Variants in RABGAP1L observed in about 807,000 individuals in gnomAD.
The protein encoded by RABGAP1L is rab GTPase-activating protein 1-like.
In RABGAP1L, 63 loss-of-function variants were observed where a neutral mutation model predicts 137.7. The ratio of observed to expected loss-of-function variants is 0.46; its 90% CI spans 0.37 to 0.56. RABGAP1L has a LOEUF of 0.56. Among genes scored for constraint, RABGAP1L ranks in the 20% least tolerant of loss-of-function variants. The probability of loss-of-function intolerance (pLI) is 0.00; values close to 1 mark genes in which losing one functional copy is unlikely to be tolerated. For synonymous variants in RABGAP1L, 431 were observed against 433.7 expected (o/e 0.99, Z 0.08); for missense variants, 1,095 against 1,244.0 (o/e 0.88, Z 1.80).
intron 12 of RABGAP1L, among the ~76,000 whole-genome samples, chr1:174,383,851 C>G (rs1044135846): frequency 1.3e-5 from 2 of 152,260 alleles, no homozygotes; most frequent in African/African-American, 4.8e-5. Context: ...GGTGGAAATA[C>G]AAAATGGTGT....
chr1:174,174,509 C>G (rs1665678500), intron 1 of RABGAP1L, among the ~76,000 whole-genome samples: 1 of 152,168 alleles, frequency 6.6e-6, no homozygotes, highest in African/African-American at 2.4e-5. Flanking sequence ...GATAGGCCGT[C>G]TGCAAACTAG....
chr1:174,514,469 C>T (rs1662634978), intron 13 of RABGAP1L, among the ~76,000 whole-genome samples: 1 of 152,040 alleles, frequency 6.6e-6, no homozygotes, highest in African/African-American at 2.4e-5. Flanking sequence ...GGAGGGTAAT[C>T]TGCTGTAAGT....
At chr1:174,765,393 C>G (rs1256346452) in intron 18 of RABGAP1L, among the ~76,000 whole-genome samples, 1 of 152,098 alleles carries the variant, frequency 6.6e-6, no homozygotes, top group East Asian at 1.9e-4. Context: ...ATCCTTTGCC[C>G]ACTTTCTAAT....
At chr1:174,932,529 A>C (rs1007826959) in intron 19 of RABGAP1L, among the ~76,000 whole-genome samples, 2 of 151,964 alleles carry the variant, frequency 1.3e-5, no homozygotes, top group African/African-American at 4.8e-5. Flanking sequence ...TATGATTTTA[A>C]TTTGTCTCAT....
At chr1:174,912,369 C>T (rs1255712953) in intron 19 of RABGAP1L, among the ~76,000 whole-genome samples, 3 of 152,126 alleles carry the variant, frequency 2.0e-5, no homozygotes, top group African/African-American at 7.2e-5. Context: ...TCTTGAACTC[C>T]TGGCCTCATG....
chr1:174,317,423 G>A (rs1679484533), intron 11 of RABGAP1L, among the ~76,000 whole-genome samples: 1 of 152,068 alleles, frequency 6.6e-6, no homozygotes, highest in South Asian at 2.1e-4. Context: ...GGCTCAGGTT[G>A]TATCTAGAAA....
chr1:174,297,168 A>G (rs1156830745), intron 10 of RABGAP1L, among the ~76,000 whole-genome samples: 1 of 152,178 alleles, frequency 6.6e-6, no homozygotes, highest in Non-Finnish European at 1.5e-5. Context: ...ACTCCCTATA[A>G]CAAAAGACAG....
intron 17 of RABGAP1L, among the ~76,000 whole-genome samples, chr1:174,748,572 A>G (rs989684928): frequency 1.3e-5 from 2 of 152,194 alleles, no homozygotes; most frequent in African/African-American, 4.8e-5. Flanking sequence ...TTAGGGAAAC[A>G]TAAGACATTA....
chr1:174,202,028 A>G (rs932439911), intron 1 of RABGAP1L, among the ~76,000 whole-genome samples: 1 of 151,660 alleles, frequency 6.6e-6, no homozygotes, highest in Non-Finnish European at 1.5e-5. Flanking sequence ...TATGTGCCAC[A>G]TTTTCTTAAC....
intron 19 of RABGAP1L, among the ~76,000 whole-genome samples, chr1:174,848,514 G>T (rs1329402432): frequency 8.7e-5 from 13 of 149,510 alleles, no homozygotes; most frequent in South Asian, 6.3e-4. Context: ...GCCCCTGCTG[G>T]GGGGTGCCTC....
In RABGAP1L at chr1:174,305,043, C is replaced by T; in HGVS notation, c.1381C>T (p.Gln461Ter). 2 of 1,563,204 alleles carry T rather than the reference C, an allele frequency of 1.3e-6. No individual in the cohort carries two copies. The highest frequency in any genetic ancestry group is 1.7e-6 in the Non-Finnish European group (2 of 1,159,418). Reference protein sequence around the residue: ...GDAIYEVVSLQRESDKEEPVT... With the variant: ...GDAIYEVVSL ...TGCAATATATGAGGTGGTGAGTCTA[C>T]AGCGAGAGTCTGACAAGGAGGAACC... Residue 461 changes from glutamine to a stop codon, truncating the protein, a stop_gained, in exon 11 of 26, where the codon CAG (glutamine) becomes TAG (stop). Transcript: ENST00000681986. LOFTEE classifies it high-confidence loss of function.
intron 19 of RABGAP1L, among the ~76,000 whole-genome samples, chr1:174,882,830 CT>C (rs201814726): frequency 0.024 from 3,513 of 145,694 alleles, 52 homozygotes; most frequent in Middle Eastern, 0.086. Flanking sequence ...AACATAAGAG[CT>C]TTTTTTTTTT....
intron 10 of RABGAP1L, among the ~76,000 whole-genome samples, chr1:174,287,118 AAG>A (rs1434448038): frequency 1.3e-5 from 2 of 152,078 alleles, no homozygotes; most frequent in Non-Finnish European, 2.9e-5. Context: ...ATCTACTGTC[AAG>A]AGTGGCATAA....
At chr1:174,171,995 C>A (rs969205135) in intron 1 of RABGAP1L, among the ~76,000 whole-genome samples, 15 of 151,944 alleles carry the variant, frequency 9.9e-5, no homozygotes, top group African/African-American at 3.4e-4. Context: ...AGTGAGACTC[C>A]ATCTAAATAA....
At chr1:174,931,989 G>GTTTTTTTTTTTTTTTTTTT (rs1558247691) in intron 19 of RABGAP1L, among the ~76,000 whole-genome samples, 1 of 94,182 alleles carries the variant, frequency 1.1e-5, no homozygotes, top group Non-Finnish European at 2.1e-5. Flanking sequence ...CTGCTTTTTT[G>GTTTTTTTTTTTTTTTTTTT]GTTTTTTTTT....
In RABGAP1L at chr1:174,275,909, T is replaced by TGG; in HGVS notation, c.1131_1132dup (p.Ala378GlyfsTer15). 2.5e-6 allele frequency: 4 copies of TGG among 1,612,730 alleles called. No homozygotes were observed. Among genetic ancestry groups the TGG allele is most frequent in the Non-Finnish European group, 3.4e-6 (4 of 1,179,140 alleles). On this transcript the variant is annotated frameshift_variant, in exon 9 of 26. Coordinates refer to ENST00000681986, the MANE Select transcript of RABGAP1L (RefSeq NM_001366446.1). LOFTEE classifies it high-confidence loss of function. ...TGGAACCCCAATGCACCAGTATTTC[T>TGG]GGCACTTAACGAGGAAACCCCAAAA...
chr1:174,597,962 A>T (rs530465380), intron 13 of RABGAP1L, among the ~76,000 whole-genome samples: 1 of 152,164 alleles, frequency 6.6e-6, no homozygotes, highest in Non-Finnish European at 1.5e-5. Flanking sequence ...ATAGTTTCCA[A>T]CATTCCTCTT....
chr1:174,546,770 C>A (rs1352198661), intron 13 of RABGAP1L, among the ~76,000 whole-genome samples: 2 of 152,138 alleles, frequency 1.3e-5, no homozygotes, highest in Non-Finnish European at 2.9e-5. Flanking sequence ...GTGGCTCACG[C>A]CTGTAATCCC....
chr1:174,852,191 CAT>C (rs1203100852), intron 19 of RABGAP1L, among the ~76,000 whole-genome samples: 23 of 152,230 alleles, frequency 1.5e-4, no homozygotes, highest in African/African-American at 4.8e-4. Flanking sequence ...AGAGAAGAAA[CAT>C]ATTGGTTAAG....
Sources: gnomAD v4.1 joint callset for allele counts (sites outside exome capture counted in the v4.1 genomes callset) on GRCh38, gnomAD v4.1.1 for gene constraint, MANE v1.5 for transcripts, NCBI Gene and HGNC (gene_info 2026-07-23, HGNC 2026-07-21) for gene names.